GPHN: variants seen among roughly 807,000 people sequenced by gnomAD.
GPHN encodes gephyrin.
A neutral mutation model predicts 95.5 loss-of-function variants in GPHN; 17 were observed. That is an observed-to-expected ratio of 0.18 (90% CI 0.12 to 0.27). The LOEUF is 0.27. GPHN is among the 10% of genes least tolerant of loss of function. GPHN has a pLI of 1.00. For missense variants in GPHN, 660 were observed against 978.1 expected, an observed-to-expected ratio of 0.67 and a Z score of 4.34; for synonymous variants, 320 against 322.5, an observed-to-expected ratio of 0.99 and a Z score of 0.08.
chr14:66,792,169 C>G (rs973174238), intron 3 of GPHN, among the ~76,000 whole-genome samples: 1 of 152,052 alleles, frequency 6.6e-6, no homozygotes, highest in Admixed American at 6.6e-5. Flanking sequence ...TAGACTCTAT[C>G]AGTAAGAATG....
chr14:67,614,514 C>G, the GPHN span, among the ~76,000 whole-genome samples: 1 of 151,844 alleles, frequency 6.6e-6, no homozygotes, highest in African/African-American at 2.4e-5. Context: ...CCTGTAATCT[C>G]AGTTTTGGGA....
chr14:66,906,345 A>G (rs749030097), intron 5 of GPHN, among the ~76,000 whole-genome samples: 1 of 152,028 alleles, frequency 6.6e-6, no homozygotes, highest in Admixed American at 6.6e-5. Context: ...GATGCTTCCC[A>G]TGGGTTAAGG....
the GPHN span, chr14:67,678,507 A>G: frequency 1.2e-6 from 1 of 835,228 alleles, no homozygotes; most frequent in East Asian, 2.5e-5. Context: ...TGACATAAAA[A>G]CAACTAGGGA....
chr14:67,597,595 A>T, the GPHN span, among the ~76,000 whole-genome samples: 1 of 152,208 alleles, frequency 6.6e-6, no homozygotes, highest in African/African-American at 2.4e-5. Context: ...TGATCCAGAA[A>T]GATCTAATTT....
At chr14:66,879,213 G>A (rs997605603) in intron 4 of GPHN, among the ~76,000 whole-genome samples, 1 of 152,016 alleles carries the variant, frequency 6.6e-6, no homozygotes, top group African/African-American at 2.4e-5. Flanking sequence ...GTCAGGGGAT[G>A]GAGGGTTAGG....
In GPHN at chr14:66,607,531, G is replaced by A. The variant is rs180790745; in HGVS notation, c.65-73576G>A. Among the ~76,000 whole-genome samples the A allele has an allele frequency of 3.3e-5, 5 of 151,872 alleles. No individual in the cohort carries two copies. In the East Asian group the frequency reaches 9.7e-4, roughly 29 times the overall value. On this transcript the variant is annotated intron_variant, in intron 1 of 22. Transcript: ENST00000478722. ...TTGTAGAATGAGTTAGGGAGCAGGG[G>A]GAGTCCCTCCTCCTCAATTTTTTTG... is the stretch of plus-strand genomic sequence containing the variant.
chr14:67,674,630 C>T, the GPHN span: 1 of 591,462 alleles, frequency 1.7e-6, no homozygotes. Context: ...CTTCCGGAGC[C>T]GCGGCAGGGT....
chr14:67,501,346 A>G, the GPHN span, among the ~76,000 whole-genome samples: 1 of 152,086 alleles, frequency 6.6e-6, no homozygotes, highest in Non-Finnish European at 1.5e-5. Flanking sequence ...AGTAATCAAG[A>G]TAAACGATAC....
chr14:66,891,796 TG>T (rs1406977974), intron 5 of GPHN, among the ~76,000 whole-genome samples: 2 of 151,428 alleles, frequency 1.3e-5, no homozygotes, highest in Non-Finnish European at 2.9e-5. Flanking sequence ...ATAAAGAAAA[TG>T]CTATTTAAAA....
At chr14:66,729,634 A>G (rs962548747) in intron 2 of GPHN, among the ~76,000 whole-genome samples, 2 of 152,256 alleles carry the variant, frequency 1.3e-5, no homozygotes, top group South Asian at 4.1e-4. Flanking sequence ...GTCAAAATCC[A>G]TCAAACATAA....
At chr14:67,314,379 A>G in the GPHN span, among the ~76,000 whole-genome samples, 1 of 152,226 alleles carries the variant, frequency 6.6e-6, no homozygotes, top group Non-Finnish European at 1.5e-5. Flanking sequence ...CTTTTTGAGT[A>G]TAAGGTCACA....
At chr14:66,703,257 A>C (rs2068732214) in intron 2 of GPHN, among the ~76,000 whole-genome samples, 1 of 152,206 alleles carries the variant, frequency 6.6e-6, no homozygotes, top group Non-Finnish European at 1.5e-5. Context: ...TCCCCAACTT[A>C]ACAAGACAGG....
intron 2 of GPHN, among the ~76,000 whole-genome samples, chr14:66,757,376 G>T (rs1414354409): frequency 6.9e-6 from 1 of 144,708 alleles, no homozygotes; most frequent in Non-Finnish European, 1.5e-5. Flanking sequence ...ATAAATGGGA[G>T]ATATAAGTGC....
At chr14:67,386,190 T>C in the GPHN span, 1 of 152,650 alleles carries the variant, frequency 6.6e-6, no homozygotes, top group Non-Finnish European at 1.5e-5. Context: ...CCAGGGACAT[T>C]AGACCTTGGT....
At chr14:66,648,682 C>T (rs2064882959) in intron 1 of GPHN, among the ~76,000 whole-genome samples, 1 of 152,064 alleles carries the variant, frequency 6.6e-6, no homozygotes, top group African/African-American at 2.4e-5. Context: ...ATGAGATCAC[C>T]TAATGTCATA....
chr14:67,380,819 AT>A, the GPHN span: 1 of 966,410 alleles, frequency 1.0e-6, no homozygotes, highest in Admixed American at 2.8e-5. Flanking sequence ...CAAAAAAGCT[AT>A]TAAATAATGA....
At chr14:67,493,031 G>A in the GPHN span, among the ~76,000 whole-genome samples, 1 of 152,308 alleles carries the variant, frequency 6.6e-6, no homozygotes, top group East Asian at 1.9e-4. Flanking sequence ...TAGCATTTGG[G>A]CATAGGTTAG....
intron 4 of GPHN, among the ~76,000 whole-genome samples, chr14:66,854,045 A>G (rs1404317190): frequency 6.6e-6 from 1 of 152,246 alleles, no homozygotes; most frequent in South Asian, 2.1e-4. Flanking sequence ...CTTGTATTCA[A>G]TCAAGAAAAT....
chr14:67,717,518 T>C, the GPHN span, among the ~76,000 whole-genome samples: 1 of 152,238 alleles, frequency 6.6e-6, no homozygotes, highest in African/African-American at 2.4e-5. Context: ...AAGTAAAACA[T>C]TACTGTCCTC....
Sources: gnomAD v4.1 joint callset for allele counts (sites outside exome capture counted in the v4.1 genomes callset) on GRCh38, gnomAD v4.1.1 for gene constraint, MANE v1.5 for transcripts, NCBI Gene and HGNC (gene_info 2026-07-23, HGNC 2026-07-21) for gene names.